The following LIPA variants were observed in gnomAD, a reference collection of about 807,000 sequenced individuals.
LIPA encodes the protein lysosomal acid lipase/cholesteryl ester hydrolase.
LIPA carries 26 observed loss-of-function variants against 40.6 expected under a neutral mutation model. The ratio of observed to expected loss-of-function variants is 0.64; its 90% CI spans 0.47 to 0.89. The LOEUF is 0.89. LIPA is among the 40% of genes least tolerant of loss of function. LIPA has a pLI of 0.00. For synonymous variants in LIPA, 188 were observed against 168.4 expected, an observed-to-expected ratio of 1.12 and a Z score of -0.90; for missense variants, 455 against 479.6, an observed-to-expected ratio of 0.95 and a Z score of 0.48.
chr10:89,360,918 A>T (rs1263035135), intron 2 of LIPA, among the ~76,000 whole-genome samples: 2 of 152,124 alleles, frequency 1.3e-5, no homozygotes, highest in Non-Finnish European at 2.9e-5. Flanking sequence ...TCCCCGCAGC[A>T]TCCTTCCTTG....
intron 3 of LIPA, among the ~76,000 whole-genome samples, chr10:89,241,224 A>T (rs1404516639): frequency 6.6e-6 from 1 of 152,270 alleles, no homozygotes; most frequent in East Asian, 1.9e-4. Flanking sequence ...CTCTGATCCC[A>T]ACCTGGGTCT....
chr10:89,413,861 C>T lies in LIPA; in HGVS notation c.-72+546G>A, dbSNP rs560184272. Among the ~76,000 whole-genome samples the T allele has an allele frequency of 3.3e-5, 5 of 151,926 alleles. No homozygotes were observed. In the South Asian group the frequency reaches 6.2e-4, roughly 19 times the overall value. Reference sequence around the variant, plus strand: ...AGACATTAACTCAATAAGGGTAAGGCCCGTGTCTGTTTTCTTTATTGTTAT... The same window carrying T: ...AGACATTAACTCAATAAGGGTAAGGTCCGTGTCTGTTTTCTTTATTGTTAT... On this transcript the variant is annotated intron_variant, in intron 1 of 8. Coordinates refer to the LIPA transcript ENST00000371837.
chr10:89,253,624 C>A (rs192337454), upstream of LIPA, among the ~76,000 whole-genome samples: 1 of 152,306 alleles, frequency 6.6e-6, no homozygotes, highest in Non-Finnish European at 1.5e-5. Flanking sequence ...ATTTCAAAAC[C>A]AATCATGCCT....
chr10:89,216,203 T>C (rs1013271565), intron 8 of LIPA, among the ~76,000 whole-genome samples, 194 bp from the exon 9 acceptor site: 3 of 152,054 alleles, frequency 2.0e-5, no homozygotes, highest in Non-Finnish European at 4.4e-5. Context: ...CAATTTCTCA[T>C]TGTATGATTG....
chr10:89,260,972 G>A (rs909812868), intron 1 of LIPA, among the ~76,000 whole-genome samples: 4 of 152,178 alleles, frequency 2.6e-5, no homozygotes, highest in Non-Finnish European at 5.9e-5. Flanking sequence ...AAGGTGAAAG[G>A]TAGCTAGTAG....
intron 2 of LIPA, among the ~76,000 whole-genome samples, chr10:89,410,122 G>C (rs576090396): frequency 2.6e-5 from 4 of 152,290 alleles, no homozygotes; most frequent in South Asian, 4.1e-4. Context: ...GTAGCAAAAG[G>C]CTGGCCTCAC....
At position 89,363,685 on chromosome 10, in the gene LIPA, G is replaced by C. The variant is rs58369714; in HGVS notation, c.61+49106C>G. On this transcript the variant is annotated intron_variant, in intron 2 of 8. Transcript: ENST00000371837. Reference sequence around the variant, plus strand: ...CCAGCTACTCGGGAGGCTGAGGCAGGAGAATGGCGTGAACCCGAGAGGCGG... The same window carrying C: ...CCAGCTACTCGGGAGGCTGAGGCAGCAGAATGGCGTGAACCCGAGAGGCGG... Among the ~76,000 whole-genome samples the C allele has an allele frequency of 9.2e-3, 1,360 of 147,424 alleles. 20 individuals are homozygous for C. The highest frequency in any genetic ancestry group is 0.033 in the African/African-American group (1,305 of 39,994).
At chr10:89,228,157 G>C (rs372937657) in intron 4 of LIPA, 43 bp downstream of exon 4, 1 of 1,537,524 alleles carries the variant, frequency 6.5e-7, no homozygotes, top group Non-Finnish European at 9.0e-7. Flanking sequence ...TGCTTTAAGA[G>C]TACTAAGGAA....
chr10:89,324,979 C>G (rs1169010191), intron 1 of LIPA, among the ~76,000 whole-genome samples: 1 of 152,032 alleles, frequency 6.6e-6, no homozygotes, highest in Non-Finnish European at 1.5e-5. Context: ...AACATATGAA[C>G]CAACATGGCA....
Position 89,412,492 on chromosome 10 carries a change from T to A in LIPA, c.61+299A>T, listed in dbSNP as rs967090753. The A allele has an allele frequency of 2.2e-5, 4 of 183,462 alleles. No individual in the cohort carries two copies. In the South Asian group the frequency reaches 3.2e-4, roughly 15 times the overall value. 11.4% of individuals were successfully genotyped at this position (183,462 alleles called of 1,614,324 possible). On this transcript the variant is annotated intron_variant, in intron 2 of 8. Coordinates refer to the LIPA transcript ENST00000371837. ...ATATGGGTGGAGCCAAATAAGGGAA[T>A]AAAAGCAGGCCACCCCAGCCAGCAG...
At chr10:89,229,387 CATGAT>C (rs1329249310) in intron 3 of LIPA, among the ~76,000 whole-genome samples, 1 of 152,196 alleles carries the variant, frequency 6.6e-6, no homozygotes, top group African/African-American at 2.4e-5. Flanking sequence ...GACTACTCTG[CATGAT>C]ACTATAGAGG....
intron 1 of LIPA, among the ~76,000 whole-genome samples, chr10:89,321,783 A>T (rs1415873168): frequency 6.6e-6 from 1 of 152,178 alleles, no homozygotes; most frequent in Non-Finnish European, 1.5e-5. Flanking sequence ...TGTTTATTGC[A>T]GCACTATTCA....
rs1211441271 is a variant in LIPA at position 89,393,296 on chromosome 10, C to T, written c.61+19495G>A. Reference sequence around the variant, plus strand: ...AACAGGTTTTCGCAATCAGGCTGAGCTTAAGATAAACAGATTGCCTCCTCC... The same window carrying T: ...AACAGGTTTTCGCAATCAGGCTGAGTTTAAGATAAACAGATTGCCTCCTCC... On this transcript the variant is annotated intron_variant, in intron 2 of 8. Transcript: ENST00000371837. The T allele has an allele frequency of 6.2e-6, 8 of 1,289,094 alleles. No homozygotes were observed. In the Admixed American group the frequency reaches 6.9e-5, roughly 11 times the overall value. The allele number at this position is 1,289,094 out of a possible 1,614,324, so 79.9% of individuals were successfully genotyped here.
At chr10:89,323,347 G>A (rs1843581733) in intron 1 of LIPA, among the ~76,000 whole-genome samples, 1 of 152,146 alleles carries the variant, frequency 6.6e-6, no homozygotes, top group African/African-American at 2.4e-5. Flanking sequence ...CTGAATGGGC[G>A]AAAGCTGAAA....
chr10:89,330,762 A>C (rs951153050), intron 1 of LIPA, among the ~76,000 whole-genome samples: 4 of 152,124 alleles, frequency 2.6e-5, no homozygotes, highest in Non-Finnish European at 5.9e-5. Context: ...AAGATGCCTG[A>C]TAATGCTGCT....
At chr10:89,344,275 G>A (rs942402833), upstream of LIPA, among the ~76,000 whole-genome samples, 1 of 152,154 alleles carries the variant, frequency 6.6e-6, no homozygotes, top group African/African-American at 2.4e-5. Flanking sequence ...GAAATGACAG[G>A]AAAGTGAAAA....
At chr10:89,246,096 C>T (rs1564764440) in intron 2 of LIPA, among the ~76,000 whole-genome samples, 1 of 152,120 alleles carries the variant, frequency 6.6e-6, no homozygotes, top group African/African-American at 2.4e-5. Context: ...ATCCTGCCTA[C>T]CGGGCACAAA....
At position 89,258,004 on chromosome 10, in the gene LIPA, T is replaced by C. The variant is rs552723831; in HGVS notation, c.-1-10355A>G. ...TACAACCAGCCAGAGTGGGAAAACA[T>C]TGTAACACAGAAGGCACTCAATAAA... On this transcript the variant is annotated intron_variant, in intron 1 of 5. Transcript: ENST00000282673. Among the ~76,000 whole-genome samples the C allele has an allele frequency of 2.0e-5, 3 of 152,246 alleles. 1 individual carries two copies. Among genetic ancestry groups the C allele is most frequent in the African/African-American group, 7.2e-5 (3 of 41,538 alleles).
intron 2 of LIPA, among the ~76,000 whole-genome samples, chr10:89,382,666 C>G (rs759612247): frequency 1.3e-5 from 2 of 152,240 alleles, no homozygotes; most frequent in Non-Finnish European, 2.9e-5. Context: ...CATGCCTCTT[C>G]TTCTGTCCCC....
Sources: allele counts gnomAD v4.1 joint callset (sites outside exome capture counted in the v4.1 genomes callset), GRCh38; gene constraint gnomAD v4.1.1; transcripts MANE v1.5; gene names NCBI Gene and HGNC (gene_info 2026-07-23, HGNC 2026-07-21).